Variants in LRRK1 observed in about 807,000 individuals in gnomAD.
LRRK1 encodes the protein leucine-rich repeat serine/threonine-protein kinase 1.
LRRK1 carries 113 observed loss-of-function variants against 209.1 expected under a neutral mutation model. That is an observed-to-expected ratio of 0.54 (90% confidence interval 0.46 to 0.63). The LOEUF (loss-of-function observed/expected upper bound fraction) is 0.63, where lower values mean the gene tolerates loss of function less well. Among genes scored for constraint, LRRK1 ranks in the 30% least tolerant of loss-of-function variants. The pLI, the probability that LRRK1 is intolerant of heterozygous loss-of-function variation, is 0.00. For synonymous variants in LRRK1, 1,144 were observed against 1,099.7 expected (o/e 1.04, Z -0.80); for missense variants, 2,284 against 2,632.2 (o/e 0.87, Z 2.89).
chr15:100,924,598 G>A lies in LRRK1; in HGVS notation c.-35G>A. The A allele has an allele frequency of 6.3e-7, 1 of 1,598,318 alleles. No homozygotes were observed. Among genetic ancestry groups the A allele is most frequent in the Non-Finnish European group, 8.6e-7 (1 of 1,166,108 alleles). ...GCGGCAGTGGCAGTGACAACAGCGG[G>A]ACCTGCCTTTGAAGATCGGCTGCTG... On this transcript the variant is annotated 5_prime_UTR_variant, in exon 2 of 34. Transcript: ENST00000388948.
intron 23 of LRRK1, 48 bp downstream of exon 23, chr15:101,049,831 T>A: frequency 6.3e-7 from 1 of 1,582,546 alleles, no homozygotes; most frequent in Non-Finnish European, 8.6e-7. Context: ...TAATATTTCT[T>A]ATGAATCAGG....
intron 20 of LRRK1, among the ~76,000 whole-genome samples, chr15:101,033,967 G>T (rs978124729): frequency 6.7e-6 from 1 of 148,814 alleles, no homozygotes; most frequent in Admixed American, 6.7e-5. Context: ...GTTCAACTGG[G>T]GTTATATGAT....
At position 101,012,062 on chromosome 15, in the gene LRRK1, G is replaced by A. The variant is rs1174654799; in HGVS notation, c.1336G>A (p.Val446Ile). The A allele has an allele frequency of 6.2e-6, 10 of 1,612,050 alleles. No homozygotes were observed. The highest frequency in any genetic ancestry group is 1.1e-5 in the South Asian group (1 of 90,642). Reference protein sequence around the residue: ...ALECLPDKMAVFWKNHLKDVD... With the variant: ...ALECLPDKMAIFWKNHLKDVD... ...GGAATGTCTGCCAGACAAAATGGCT[G>A]TCTTTTGGAAAAATCACCTGAAGGA... Residue 446 changes from valine to isoleucine, a missense_variant, in exon 10 of 34, where the codon GTC becomes ATC. By Grantham distance (29) the Val-to-Ile change is conservative (BLOSUM62 3). Coordinates refer to ENST00000388948, the MANE Select transcript of LRRK1 (RefSeq NM_024652.6).
intron 6 of LRRK1, among the ~76,000 whole-genome samples, chr15:101,007,211 T>A (rs1277043007): frequency 6.6e-6 from 1 of 152,212 alleles, no homozygotes; most frequent in Non-Finnish European, 1.5e-5. Context: ...CCCACGTTAT[T>A]GGGACCTTTC....
chr15:100,939,979 G>T (rs2042370918), intron 2 of LRRK1, among the ~76,000 whole-genome samples: 1 of 152,040 alleles, frequency 6.6e-6, no homozygotes, highest in Non-Finnish European at 1.5e-5. Flanking sequence ...CCCTGAGTAG[G>T]TTCCTCTATC....
At chr15:100,991,042 G>C (rs551722468) in intron 6 of LRRK1, among the ~76,000 whole-genome samples, 1 of 152,184 alleles carries the variant, frequency 6.6e-6, no homozygotes, top group African/African-American at 2.4e-5. Flanking sequence ...GAGGTGGCTA[G>C]CTTTTATCTC....
Position 100,963,561 on chromosome 15 carries a change from T to C in LRRK1, c.98-10243T>C, listed in dbSNP as rs7165392. On this transcript the variant is annotated intron_variant, in intron 2 of 33. Coordinates refer to ENST00000388948, the MANE Select transcript of LRRK1 (RefSeq NM_024652.6). ...CTGCTCTACACCACTCCCTAATCCT[T>C]GGCCTGGGCCGCTTGTCTGCAGAGT... is the stretch of plus-strand genomic sequence containing the variant. Among the ~76,000 whole-genome samples the C allele has an allele frequency of 2.3e-3, 350 of 152,342 alleles. 1 individual carries two copies. Among genetic ancestry groups the C allele is most frequent in the Non-Finnish European group, 4.1e-3 (277 of 68,024 alleles).
At chr15:100,960,385 G>A (rs2029875392) in intron 2 of LRRK1, among the ~76,000 whole-genome samples, 1 of 149,748 alleles carries the variant, frequency 6.7e-6, no homozygotes, top group South Asian at 2.1e-4. Context: ...TAATCCTCCA[G>A]TATTTATAAT....
At chr15:101,050,257 G>A (rs372889150) in intron 23 of LRRK1, among the ~76,000 whole-genome samples, 9 of 152,174 alleles carry the variant, frequency 5.9e-5, no homozygotes, top group African/African-American at 1.2e-4. Context: ...CCATCCCGGC[G>A]GTGATCAAAC....
intron 2 of LRRK1, among the ~76,000 whole-genome samples, chr15:100,941,412 C>G (rs1330090853): frequency 1.0e-3 from 13 of 12,830 alleles, no homozygotes; most frequent in African/African-American, 3.6e-3. Context: ...GTGTGTGTCT[C>G]TGTGTGTGTG....
In LRRK1 at chr15:101,022,816, C is replaced by CT. The variant is rs11323145; in HGVS notation, c.2067+231dup. On this transcript the variant is annotated intron_variant, in intron 15 of 33. Coordinates refer to ENST00000388948, the MANE Select transcript of LRRK1 (RefSeq NM_024652.6). This position sits in a 1 kb window ranked among gnomAD's most constrained non-coding sequence, Gnocchi z 4.0. ...TGATGTTTTCTTTTTCTTTACTTTT[C>CT]TTTTTTTTTTTTCTTGAGACAGGGT... Among the ~76,000 whole-genome samples the CT allele has an allele frequency of 1.2e-3, 183 of 146,642 alleles. 1 individual carries two copies. The highest frequency in any genetic ancestry group is 3.8e-3 in the East Asian group (19 of 5,066).
At chr15:100,963,102 C>T (rs1462370781) in intron 2 of LRRK1, among the ~76,000 whole-genome samples, 2 of 151,692 alleles carry the variant, frequency 1.3e-5, no homozygotes, top group African/African-American at 4.9e-5. Flanking sequence ...GGATTACAGG[C>T]ATGAGCCACC....
At position 101,046,219 on chromosome 15, in the gene LRRK1, AG is replaced by A. The variant is rs1206183756; in HGVS notation, c.3135+71del. 59 of 1,521,570 alleles carry A rather than the reference AG, an allele frequency of 3.9e-5. No homozygotes were observed. In the South Asian group the frequency reaches 6.3e-4, roughly 16 times the overall value. The allele number at this position is 1,521,570 out of a possible 1,614,324, so 94.3% of individuals were successfully genotyped here. On this transcript the variant is annotated intron_variant, in intron 21 of 33. Transcript: ENST00000388948. ...CCACCTACAGTTGTACCACTGGGGG[AG>A]GGGAATGCCCTTTGCTGGGGGGCCC...
Position 101,065,576 on chromosome 15 carries a change from C to T in LRRK1, c.5139C>T (p.Leu1713=). ...SEVWYSNGPG[L]LVIDCASLEI... ...TCTGGTACAGCAATGGGCCGGGCCT[C>T]CTTGTCATCGACTGTGCCTCCCTGG... Residue 1713 remains leucine, a synonymous_variant, in exon 32 of 34, where the codon CTC becomes CTT. Coordinates refer to ENST00000388948, the MANE Select transcript of LRRK1 (RefSeq NM_024652.6). The T allele has an allele frequency of 1.2e-6, 2 of 1,614,232 alleles. No individual in the cohort carries two copies. The highest frequency in any genetic ancestry group is 1.1e-5 in the South Asian group (1 of 91,086).
Position 101,065,563 on chromosome 15 carries a change from A to G in LRRK1, c.5126A>G (p.Asn1709Ser). Residue 1709 changes from asparagine to serine, a missense_variant, in exon 32 of 34, where the codon AAT (asparagine) becomes AGT (serine). By Grantham distance (46) the Asn-to-Ser change is conservative. This residue lies in a region of LRRK1 where 643 missense variants were observed against 695.9 expected (regional missense o/e 0.92). Transcript: ENST00000388948. ...AGCGGCTCTGAGGTCTGGTACAGCA[A>G]TGGGCCGGGCCTCCTTGTCATCGAC... The part of the protein sequence containing the change: ...VNSGSEVWYS[N>S]GPGLLVIDCA... 1 of 1,614,224 alleles carries G rather than the reference A, an allele frequency of 6.2e-7. No homozygotes were observed. The highest frequency in any genetic ancestry group is 8.5e-7 in the Non-Finnish European group (1 of 1,180,036).
Position 101,053,412 on chromosome 15 carries a change from A to C in LRRK1, c.4046A>C (p.Asn1349Thr). The change falls in exon 26 of 34, where the codon AAC (asparagine) becomes ACC (threonine). Residue 1349 changes from asparagine to threonine, a missense_variant. Asn to Thr is a moderately conservative substitution (Grantham distance 65, BLOSUM62 0). Transcript: ENST00000388948. ...LSSLNTVLSE[N>T]ARDSSFIPLG... ...AGCCTCAACACCGTGCTGTCCGAGAACGCCAGAGGTACCGCGGCGCGCCGC... is the reference window on the plus strand; with the variant it reads ...AGCCTCAACACCGTGCTGTCCGAGACCGCCAGAGGTACCGCGGCGCGCCGC... 6 of 1,591,810 alleles carry C rather than the reference A, an allele frequency of 3.8e-6. No individual in the cohort carries two copies. Among genetic ancestry groups the C allele is most frequent in the Non-Finnish European group, 5.1e-6 (6 of 1,175,224 alleles).
At chr15:100,953,020 T>G (rs1003107562) in intron 2 of LRRK1, among the ~76,000 whole-genome samples, 17 of 152,194 alleles carry the variant, frequency 1.1e-4, no homozygotes, top group Admixed American at 9.2e-4. Flanking sequence ...AATTATATAT[T>G]TCATGTATAT....
chr15:100,985,986 C>T (rs1192773693), intron 4 of LRRK1, among the ~76,000 whole-genome samples: 1 of 151,934 alleles, frequency 6.6e-6, no homozygotes, highest in Non-Finnish European at 1.5e-5. Context: ...ATCACTTGAG[C>T]CCAGGATTTC....
chr15:101,015,267 C>G (rs1225097628), intron 11 of LRRK1, 59 bp from the exon 12 acceptor site: 17 of 1,369,032 alleles, frequency 1.2e-5, no homozygotes, highest in Non-Finnish European at 1.7e-5. Flanking sequence ...AACATCACAG[C>G]CAAAAGTAAT....
Sources: allele counts gnomAD v4.1 joint callset (sites outside exome capture counted in the v4.1 genomes callset), GRCh38; gene constraint gnomAD v4.1.1; regional missense constraint gnomAD v4.1.1; non-coding constraint Gnocchi (gnomAD v3.1); transcripts MANE v1.5; gene names NCBI Gene and HGNC (gene_info 2026-07-23, HGNC 2026-07-21).